Variants in WWP2 observed in about 807,000 individuals in gnomAD.
WWP2 encodes WW domain containing E3 ubiquitin protein ligase 2.
A neutral mutation model predicts 121.0 loss-of-function variants in WWP2; 57 were observed. The ratio of observed to expected loss-of-function variants is 0.47; its 90% CI spans 0.38 to 0.59. The LOEUF (loss-of-function observed/expected upper bound fraction) is 0.59. WWP2 is among the 20% of genes least tolerant of loss of function. The pLI, the probability that WWP2 is intolerant of heterozygous loss-of-function variation, is 0.00. For synonymous variants in WWP2, 449 were observed against 441.3 expected, an observed-to-expected ratio of 1.02 and a Z score of -0.22; for missense variants, 962 against 1,158.9, an observed-to-expected ratio of 0.83 and a Z score of 2.47.
chr16:69,875,774 A>G (rs980862595), intron 7 of WWP2, among the ~76,000 whole-genome samples: 1 of 152,068 alleles, frequency 6.6e-6, no homozygotes, highest in Non-Finnish European at 1.5e-5. Context: ...CTCTCTTGCT[A>G]TTTCCACCAC....
intron 8 of WWP2, among the ~76,000 whole-genome samples, chr16:69,895,845 A>G (rs80233577): frequency 0.016 from 2,383 of 152,310 alleles, 52 homozygotes; most frequent in African/African-American, 0.054. Flanking sequence ...GCTGTGGACC[A>G]TTCTTTGAGT....
At chr16:69,778,272 A>G (rs1027121816) in intron 1 of WWP2, among the ~76,000 whole-genome samples, 1 of 149,064 alleles carries the variant, frequency 6.7e-6, no homozygotes, top group Non-Finnish European at 1.5e-5. Context: ...TCCCCCTCCC[A>G]ATAAGTCCAT....
rs2056685685 is a variant in WWP2 at position 69,826,248 on chromosome 16, C to A, written c.341-13878C>A. Among the ~76,000 whole-genome samples, 7 of 120,850 alleles carry A rather than the reference C, an allele frequency of 5.8e-5. No individual in the cohort carries two copies. In the South Asian group the frequency reaches 2.0e-3, roughly 34 times the overall value. 79.3% of individuals were successfully genotyped at this position (120,850 alleles called of 152,430 possible). On this transcript the variant is annotated intron_variant, in intron 4 of 23. Coordinates refer to ENST00000359154, the MANE Select transcript of WWP2 (RefSeq NM_001270454.2). The stretch of plus-strand genomic sequence containing the variant: ...CACCACTGCACTCCAGCCTGGGTGA[C>A]AAGAGTGAAACTCCGTCTCAAAAAA...
Position 69,929,444 on chromosome 16 carries a change from G to T in WWP2, c.1235-4G>T, listed in dbSNP as rs529796178. On this transcript the variant is annotated splice_region_variant and splice_polypyrimidine_tract_variant and intron_variant, in intron 11 of 23. Coordinates refer to ENST00000359154, the MANE Select transcript of WWP2 (RefSeq NM_001270454.2). ...GATGTTCTTTCTTTCTTCTCATGTGGCAGAGAAGAGACAGGACAATGGACG... is the reference window on the plus strand; with the variant it reads ...GATGTTCTTTCTTTCTTCTCATGTGTCAGAGAAGAGACAGGACAATGGACG... 1.2e-6 allele frequency: 2 copies of T among 1,612,532 alleles called. No homozygotes were observed. The highest frequency in any genetic ancestry group is 1.1e-5 in the South Asian group (1 of 91,042).
chr16:69,836,506 T>G (rs2937121), intron 4 of WWP2, among the ~76,000 whole-genome samples: 48,120 of 152,064 alleles, frequency 0.32, 9,332 homozygotes, highest in Non-Finnish European at 0.43. Context: ...GTTATCATGG[T>G]GACAGCCAGA....
chr16:69,899,976 T>A (rs1006158064), intron 8 of WWP2, among the ~76,000 whole-genome samples: 1 of 152,184 alleles, frequency 6.6e-6, no homozygotes, highest in Non-Finnish European at 1.5e-5. Context: ...TTATCTACAA[T>A]GTTATTTTTA....
chr16:69,910,477 C>T (rs1397712254), intron 9 of WWP2: 2 of 547,670 alleles, frequency 3.7e-6, no homozygotes, highest in Non-Finnish European at 4.6e-6. Flanking sequence ...GGTGCAATCT[C>T]CAGCTCACTG....
Position 69,803,837 on chromosome 16 carries a change from G to A in WWP2, c.340+4542G>A, listed in dbSNP as rs1239216108. Among the ~76,000 whole-genome samples the A allele has an allele frequency of 4.6e-5, 7 of 152,176 alleles. No homozygotes were observed. The East Asian group carries it at 1.3e-3, about 29-fold the overall frequency. Reference sequence around the variant, plus strand: ...GCCGGGGAGTCACTTGAACCTGGGAGGCGAAGGTTGCAGTGAGCTGAGATT... The same window carrying A: ...GCCGGGGAGTCACTTGAACCTGGGAAGCGAAGGTTGCAGTGAGCTGAGATT... On this transcript the variant is annotated intron_variant, in intron 4 of 23. Transcript: ENST00000359154.
chr16:69,873,041 A>G lies in WWP2; in HGVS notation c.703+1110A>G, dbSNP rs1403986657. On this transcript the variant is annotated intron_variant, in intron 7 of 23. Transcript: ENST00000359154. ...GGATGTAGATGTTTCGCTTGGATGA[A>G]TTGTAGGTAGAGGAATGCAGGTGTT... Among the ~76,000 whole-genome samples, 4 of 152,274 alleles carry G rather than the reference A, an allele frequency of 2.6e-5. 1 individual carries two copies. The highest frequency in any genetic ancestry group is 6.5e-5 in the Admixed American group (1 of 15,282).
intron 4 of WWP2, among the ~76,000 whole-genome samples, chr16:69,823,532 C>T (rs915452771): frequency 5.3e-5 from 8 of 150,566 alleles, no homozygotes; most frequent in South Asian, 4.2e-4. Flanking sequence ...TGCAGTGGTG[C>T]GGTCTTGTTC....
At chr16:69,845,820 C>T (rs557983855) in intron 6 of WWP2, among the ~76,000 whole-genome samples, 3 of 151,750 alleles carry the variant, frequency 2.0e-5, no homozygotes, top group East Asian at 3.9e-4. Context: ...GAGGCTGAGG[C>T]GGGCAGATCA....
intron 6 of WWP2, among the ~76,000 whole-genome samples, chr16:69,855,609 G>A (rs1269413977): frequency 6.6e-6 from 1 of 152,226 alleles, no homozygotes; most frequent in Non-Finnish European, 1.5e-5. Flanking sequence ...CAAGAGAGGT[G>A]TTGTTGAGAA....
chr16:69,868,342 A>G (rs941570028), intron 6 of WWP2, among the ~76,000 whole-genome samples: 2 of 152,118 alleles, frequency 1.3e-5, no homozygotes, highest in African/African-American at 4.8e-5. Context: ...TTCTCTCTCC[A>G]TGCTGACCAC....
chr16:69,834,458 C>T (rs2056841478), intron 4 of WWP2, among the ~76,000 whole-genome samples: 1 of 151,338 alleles, frequency 6.6e-6, no homozygotes, highest in African/African-American at 2.4e-5. Context: ...CATCCCCCTT[C>T]TTTTATTTTT....
intron 4 of WWP2, among the ~76,000 whole-genome samples, chr16:69,832,020 G>C (rs895309976): frequency 6.6e-6 from 1 of 151,844 alleles, no homozygotes; most frequent in Non-Finnish European, 1.5e-5. Context: ...ATAGAGGCAG[G>C]GTTTCACCAT....
chr16:69,887,916 C>T (rs751657715), intron 7 of WWP2, 123 bp from the exon 8 acceptor site: 6 of 1,176,492 alleles, frequency 5.1e-6, no homozygotes, highest in South Asian at 3.1e-5. Flanking sequence ...TTTTTGCTGT[C>T]GCCCAATACA....
At chr16:69,809,536 G>A (rs909101953) in intron 4 of WWP2, among the ~76,000 whole-genome samples, 3 of 152,196 alleles carry the variant, frequency 2.0e-5, no homozygotes, top group African/African-American at 7.2e-5. Context: ...GGAGGCCAAG[G>A]TGGGTGTATC....
At chr16:69,804,263 A>T (rs2056230621) in intron 4 of WWP2, among the ~76,000 whole-genome samples, 1 of 152,228 alleles carries the variant, frequency 6.6e-6, no homozygotes, top group South Asian at 2.1e-4. Context: ...GATGAGGTAA[A>T]TGGTCACCTC....
intron 7 of WWP2, among the ~76,000 whole-genome samples, chr16:69,876,895 C>G (rs1437881854): frequency 6.6e-6 from 1 of 152,132 alleles, no homozygotes; most frequent in Admixed American, 6.5e-5. Context: ...ATTCAGTAAA[C>G]CATGCTGCAG....
Sources: allele counts gnomAD v4.1 joint callset (sites outside exome capture counted in the v4.1 genomes callset), GRCh38; gene constraint gnomAD v4.1.1; transcripts MANE v1.5; gene names NCBI Gene and HGNC (gene_info 2026-07-23, HGNC 2026-07-21).